Variants in PPP2R1B observed in about 807,000 individuals in gnomAD.
The protein encoded by PPP2R1B is protein phosphatase 2 scaffold subunit Abeta, also known as serine/threonine-protein phosphatase 2A 65 kDa regulatory subunit A beta isoform.
PPP2R1B carries 58 observed loss-of-function variants against 72.7 expected under a neutral mutation model. The observed-to-expected ratio is 0.80, with a 90% CI of 0.65 to 0.99. The LOEUF is 0.99. Ranked by LOEUF, PPP2R1B falls within the 50% of genes least tolerant of loss-of-function variation. The pLI, the probability that PPP2R1B is intolerant of heterozygous loss-of-function variation, is 0.00. For synonymous variants in PPP2R1B, 256 were observed against 264.6 expected (o/e 0.97, Z 0.32); for missense variants, 695 against 733.6 (o/e 0.95, Z 0.61).
downstream of PPP2R1B, chr11:111,726,819 G>A (rs1281823964): frequency 5.0e-5 from 35 of 704,556 alleles, no homozygotes; most frequent in Middle Eastern, 3.8e-4. Flanking sequence ...GTACACTACT[G>A]TATCATCATC....
chr11:111,752,421 T>C, intron 9 of PPP2R1B, 89 bp from the exon 10 acceptor site: 1 of 1,329,902 alleles, frequency 7.5e-7, no homozygotes, highest in African/African-American at 1.5e-5. Flanking sequence ...AAAGGTGAGG[T>C]AAGACTCAGG....
chr11:111,736,336 C>T (rs117164588), downstream of PPP2R1B, among the ~76,000 whole-genome samples: 236 of 152,354 alleles, frequency 1.5e-3, 1 homozygote, highest in East Asian at 0.037. Flanking sequence ...GGTCATACCA[C>T]GCATTCATGG....
intron 8 of PPP2R1B, 130 bp downstream of exon 8, chr11:111,754,369 C>T: frequency 7.9e-7 from 1 of 1,257,954 alleles, no homozygotes. Flanking sequence ...CACATTAACA[C>T]ATCTTCCCCA....
At chr11:111,751,916 G>A (rs541054498) in intron 10 of PPP2R1B, among the ~76,000 whole-genome samples, 2 of 152,348 alleles carry the variant, frequency 1.3e-5, no homozygotes, top group Admixed American at 6.5e-5. Context: ...GGTGGAGGTT[G>A]CAGTGAGCCA....
chr11:111,727,250 C>T, intron 15 of PPP2R1B: 1 of 601,918 alleles, frequency 1.7e-6, no homozygotes, highest in South Asian at 2.0e-5. Flanking sequence ...CATCAGGGCC[C>T]ACCAGGGGAG....
At chr11:111,752,430 G>C in intron 9 of PPP2R1B, 98 bp from the exon 10 acceptor site, 1 of 1,217,930 alleles carries the variant, frequency 8.2e-7, no homozygotes, top group Non-Finnish European at 1.1e-6. Context: ...GTAAGACTCA[G>C]GTGAAAAAAA....
downstream of PPP2R1B, chr11:111,723,612 G>A (rs144562229): frequency 6.4e-5 from 104 of 1,613,530 alleles, no homozygotes; most frequent in Non-Finnish European, 8.0e-5. Context: ...CCCCTTCCCC[G>A]CCAGGAGACT....
the PPP2R1B span, among the ~76,000 whole-genome samples, chr11:111,715,491 C>T: frequency 1.3e-5 from 2 of 152,200 alleles, no homozygotes; most frequent in South Asian, 2.1e-4. Flanking sequence ...GAGACTTCAG[C>T]TCTCCTTCCC....
At chr11:111,689,788 T>C in the PPP2R1B span, among the ~76,000 whole-genome samples, 1 of 152,224 alleles carries the variant, frequency 6.6e-6, no homozygotes, top group South Asian at 2.1e-4. Context: ...CATTTCCCAT[T>C]AGTTTTTGTC....
At chr11:111,696,712 A>G in the PPP2R1B span, among the ~76,000 whole-genome samples, 2 of 152,166 alleles carry the variant, frequency 1.3e-5, no homozygotes, top group African/African-American at 4.8e-5. Context: ...GTGGAGTCTT[A>G]TTATTTTGTG....
At chr11:111,733,830 GA>G, downstream of PPP2R1B, among the ~76,000 whole-genome samples, 1 of 152,310 alleles carries the variant, frequency 6.6e-6, no homozygotes, top group South Asian at 2.1e-4. Flanking sequence ...CAGTGGAAGG[GA>G]ACCAGGGATG....
At chr11:111,753,109 T>C (rs782099837) in intron 9 of PPP2R1B, among the ~76,000 whole-genome samples, 2 of 152,206 alleles carry the variant, frequency 1.3e-5, no homozygotes, top group African/African-American at 2.4e-5. Flanking sequence ...AAATATTAGG[T>C]ATCATTATAA....
At position 111,738,803 on chromosome 11, in the gene PPP2R1B, C is replaced by T. The variant is rs70937058; in HGVS notation, c.*2793G>A. ...GTCTCTTAAACCTGTGAGGGGTAAA[C>T]CCCACACAAATTACAGAGAGAAACA... On this transcript the variant is annotated 3_prime_UTR_variant, in exon 15 of 15. Coordinates refer to ENST00000527614, the MANE Select transcript of PPP2R1B (RefSeq NM_002716.5). 3.2e-4 allele frequency: 318 copies of T among 985,186 alleles called. 7 individuals carry two copies. In the East Asian group the frequency reaches 0.02, roughly 63 times the overall value. The allele number at this position is 985,186 out of a possible 1,614,324, so 61.0% of individuals were successfully genotyped here.
At chr11:111,721,767 T>A in the PPP2R1B span, 1 of 1,334,466 alleles carries the variant, frequency 7.5e-7, no homozygotes. Flanking sequence ...GTGCTTCAGC[T>A]AAGAACTGAG....
chr11:111,701,603 TGTTTTACA>T, the PPP2R1B span: 17 of 1,610,798 alleles, frequency 1.1e-5, no homozygotes, highest in Admixed American at 2.0e-4. This position sits in a 1 kb window ranked among gnomAD's most constrained non-coding sequence, Gnocchi z 4.2. Context: ...TTATTAATGG[TGTTTTACA>T]GTGTTAGTGC....
At chr11:111,735,877 T>C (rs1054185706), downstream of PPP2R1B, among the ~76,000 whole-genome samples, 6 of 152,222 alleles carry the variant, frequency 3.9e-5, no homozygotes, top group African/African-American at 1.4e-4. Flanking sequence ...ATCACTCACT[T>C]GGCTGCTGGC....
the PPP2R1B span, chr11:111,712,464 CT>C: frequency 7.2e-7 from 1 of 1,393,462 alleles, no homozygotes; most frequent in Non-Finnish European, 9.6e-7. Flanking sequence ...CTTTATTGAA[CT>C]TTATCATTTC....
Position 111,738,238 on chromosome 11 carries a change from T to C in PPP2R1B, c.*3358A>G, listed in dbSNP as rs1275594634. 4.1e-6 allele frequency: 4 copies of C among 985,396 alleles called. No individual in the cohort carries two copies. The highest frequency in any genetic ancestry group is 1.7e-5 in the African/African-American group (1 of 57,228). 61.0% of individuals were successfully genotyped at this position (985,396 alleles called of 1,614,324 possible). ...CAGGGCCTCTCCCTCTACAGTTTCA[T>C]ATCCAAGCAGTGGAGAAAAATAAGA... On this transcript the variant is annotated 3_prime_UTR_variant, in exon 15 of 15. Transcript: ENST00000527614.
chr11:111,726,911 A>T, exon 16 of PPP2R1B: 1 of 1,573,368 alleles, frequency 6.4e-7, no homozygotes, highest in Non-Finnish European at 8.7e-7. Context: ...TTCGGCAAAA[A>T]GTGCAATATG....
Sources: allele counts gnomAD v4.1 joint callset (sites outside exome capture counted in the v4.1 genomes callset), GRCh38; gene constraint gnomAD v4.1.1; non-coding constraint Gnocchi (gnomAD v3.1); transcripts MANE v1.5; gene names NCBI Gene and HGNC (gene_info 2026-07-23, HGNC 2026-07-21).